Variants in PLCB4 observed in about 807,000 individuals in gnomAD.
The protein encoded by PLCB4 is phospholipase C beta 4.
PLCB4 carries 77 observed loss-of-function variants against 178.8 expected under a neutral mutation model. The ratio of observed to expected loss-of-function variants is 0.43; its 90% CI spans 0.36 to 0.52. The LOEUF (loss-of-function observed/expected upper bound fraction) is 0.52. Among genes scored for constraint, PLCB4 ranks in the 20% least tolerant of loss-of-function variants. The pLI is 0.00. For missense variants in PLCB4, 1,024 were observed against 1,453.4 expected (o/e 0.70, Z 4.80); for synonymous variants, 496 against 490.8 (o/e 1.01, Z -0.14).
chr20:9,310,626 C>T (rs541620767), intron 4 of PLCB4, among the ~76,000 whole-genome samples: 68 of 152,040 alleles, frequency 4.5e-4, no homozygotes, highest in African/African-American at 1.5e-3. Context: ...GCAGGAGAAT[C>T]GCTTGAACCC....
chr20:9,394,099 A>G (rs932053118), intron 18 of PLCB4, among the ~76,000 whole-genome samples: 5 of 152,164 alleles, frequency 3.3e-5, no homozygotes, highest in African/African-American at 1.2e-4. Flanking sequence ...GTATATGTGA[A>G]TAGAGAGATC....
intron 2 of PLCB4, among the ~76,000 whole-genome samples, chr20:9,153,237 G>T (rs766745406): frequency 1.1e-4 from 17 of 152,080 alleles, no homozygotes; most frequent in Non-Finnish European, 5.9e-5. Context: ...AGGCATGATT[G>T]GGTTTGAAAT....
At chr20:9,081,802 G>A (rs6086755) in intron 1 of PLCB4, among the ~76,000 whole-genome samples, 47,486 of 133,236 alleles carry the variant, frequency 0.36, 10,532 homozygotes, top group Middle Eastern at 0.5. Context: ...TTAGTAAACC[G>A]AAGCCATCTG....
chr20:9,105,770 C>T (rs1600440429), intron 2 of PLCB4, among the ~76,000 whole-genome samples: 1 of 152,060 alleles, frequency 6.6e-6, no homozygotes, highest in South Asian at 2.1e-4. Context: ...AAAAATAAAG[C>T]AGGGTCTCTA....
At chr20:9,208,805 T>A (rs150376117) in intron 2 of PLCB4, among the ~76,000 whole-genome samples, 1 of 152,196 alleles carries the variant, frequency 6.6e-6, no homozygotes, top group Non-Finnish European at 1.5e-5. Flanking sequence ...CATTCCAAAG[T>A]GTTGGGATTA....
chr20:9,448,349 A>G (rs2042542588), intron 32 of PLCB4, among the ~76,000 whole-genome samples: 1 of 152,164 alleles, frequency 6.6e-6, no homozygotes, highest in South Asian at 2.1e-4. Context: ...CTTATGTCAT[A>G]AAATGACCTG....
intron 2 of PLCB4, among the ~76,000 whole-genome samples, chr20:9,183,748 G>A (rs1164702599): frequency 6.6e-6 from 1 of 152,002 alleles, no homozygotes; most frequent in East Asian, 1.9e-4. Context: ...ATGTGTTATT[G>A]AAAAATATTA....
intron 7 of PLCB4, among the ~76,000 whole-genome samples, chr20:9,357,447 A>G (rs1302598261): frequency 1.3e-5 from 2 of 152,180 alleles, no homozygotes; most frequent in African/African-American, 2.4e-5. Context: ...GGCTATCACT[A>G]TGAGATAGAA....
chr20:9,411,678 C>T (rs533837551), intron 25 of PLCB4, among the ~76,000 whole-genome samples: 12 of 151,520 alleles, frequency 7.9e-5, no homozygotes, highest in African/African-American at 2.7e-4. Context: ...TACAGAAACA[C>T]TGAAAGGTTA....
intron 7 of PLCB4, among the ~76,000 whole-genome samples, chr20:9,362,203 C>T (rs897739638): frequency 6.6e-5 from 10 of 152,162 alleles, no homozygotes; most frequent in African/African-American, 2.4e-4. Flanking sequence ...CAGAGTTGGC[C>T]TTAATTCATG....
At chr20:9,334,156 A>G (rs1242640063) in intron 4 of PLCB4, among the ~76,000 whole-genome samples, 1 of 152,182 alleles carries the variant, frequency 6.6e-6, no homozygotes, top group African/African-American at 2.4e-5. Context: ...ACAGAAGGAA[A>G]AGGCGGGAAA....
Position 9,472,846 on chromosome 20 carries a change from GAGTA to G in PLCB4, c.3408+4_3408+7del. On this transcript the variant is annotated splice_donor_variant and splice_donor_region_variant and coding_sequence_variant and intron_variant, in exon 37 of 40. Coordinates refer to ENST00000378473, the MANE Select transcript of PLCB4 (RefSeq NM_001377142.1). LOFTEE classifies it high-confidence loss of function. ...AAAAAGTTTCTGGAAGAAAGAAAGA[GAGTA>G]AGTATTTTATTATATTTTTGGCATT... 1 of 1,563,544 alleles carries G rather than the reference GAGTA, an allele frequency of 6.4e-7. No individual in the cohort carries two copies. The highest frequency in any genetic ancestry group is 8.8e-7 in the Non-Finnish European group (1 of 1,138,628).
chr20:9,343,585 C>T (rs1279675068), intron 7 of PLCB4, among the ~76,000 whole-genome samples: 1 of 152,176 alleles, frequency 6.6e-6, no homozygotes, highest in Non-Finnish European at 1.5e-5. Flanking sequence ...TAAGAGACAC[C>T]TTGGTAGCTC....
chr20:9,403,525 G>A (rs1440731284), intron 20 of PLCB4, among the ~76,000 whole-genome samples: 1 of 152,184 alleles, frequency 6.6e-6, no homozygotes, highest in African/African-American at 2.4e-5. Flanking sequence ...TTCCCAAATT[G>A]GGCAGGACCC....
chr20:9,123,560 A>G lies in PLCB4; in HGVS notation c.-79+27218A>G, dbSNP rs1043954383. On this transcript the variant is annotated intron_variant, in intron 2 of 39. Transcript: ENST00000378473. ...TGAAGTAATACCTGCTTGCTGGGAT[A>G]AACAATATAGATGAGTAAAAAATAT... 5.3e-5 allele frequency among the ~76,000 whole-genome samples: 8 copies of G among 152,104 alleles called. No individual in the cohort carries two copies. The South Asian group carries it at 8.3e-4, about 16-fold the overall frequency.
chr20:9,253,505 A>T (rs539739370), intron 3 of PLCB4, among the ~76,000 whole-genome samples: 55 of 152,204 alleles, frequency 3.6e-4, no homozygotes, highest in African/African-American at 1.3e-3. Flanking sequence ...CCCAGTGAAA[A>T]TGGGTTTCCC....
Position 9,075,362 on chromosome 20 carries a change from A to AT in PLCB4, c.-135+6158dup, listed in dbSNP as rs763269810. Among the ~76,000 whole-genome samples, 24 of 152,348 alleles carry AT rather than the reference A, an allele frequency of 1.6e-4. No homozygotes were observed. The East Asian group carries it at 4.2e-3, about 27-fold the overall frequency. On this transcript the variant is annotated intron_variant, in intron 1 of 39. Transcript: ENST00000378473. The stretch of plus-strand genomic sequence containing the variant: ...CTGGCAATCCTGCTGTGAATATGGA[A>AT]TTGGAATAAGAAATTGAGGATAAAA...
chr20:9,431,848 C>T (rs1165592495), intron 28 of PLCB4, among the ~76,000 whole-genome samples: 1 of 152,052 alleles, frequency 6.6e-6, no homozygotes, highest in Non-Finnish European at 1.5e-5. Context: ...ATTCATCATT[C>T]TTCAATAACT....
chr20:9,258,095 A>G (rs2094255767), intron 3 of PLCB4, among the ~76,000 whole-genome samples: 2 of 152,156 alleles, frequency 1.3e-5, no homozygotes, highest in African/African-American at 4.8e-5. Flanking sequence ...ATAGAGGGGA[A>G]AAAAAGTGGA....
Sources: allele counts gnomAD v4.1 joint callset (sites outside exome capture counted in the v4.1 genomes callset), GRCh38; gene constraint gnomAD v4.1.1; transcripts MANE v1.5; gene names NCBI Gene and HGNC (gene_info 2026-07-23, HGNC 2026-07-21).